Variants in ERBB4 observed in about 807,000 individuals in gnomAD.
ERBB4 encodes the protein erb-b2 receptor tyrosine kinase 4, also known as receptor tyrosine-protein kinase erbB-4.
In ERBB4, 42 loss-of-function variants were observed where a neutral mutation model predicts 158.0. That is an observed-to-expected ratio of 0.27 (90% CI 0.21 to 0.34). The LOEUF is 0.34. ERBB4 is among the 10% of genes least tolerant of loss of function. The pLI is 1.00. For missense variants in ERBB4, 1,333 were observed against 1,624.1 expected, an observed-to-expected ratio of 0.82 and a Z score of 3.08; for synonymous variants, 583 against 558.7, an observed-to-expected ratio of 1.04 and a Z score of -0.61.
chr2:211,733,993 G>C (rs2074518095), intron 5 of ERBB4, among the ~76,000 whole-genome samples: 1 of 152,032 alleles, frequency 6.6e-6, no homozygotes, highest in African/African-American at 2.4e-5. Context: ...AGCGAGCTGA[G>C]ATCATGCCAC....
In ERBB4 at chr2:212,363,400, A is replaced by G. The variant is rs560271697; in HGVS notation, c.82+175049T>C. Among the ~76,000 whole-genome samples, 9 of 151,616 alleles carry G rather than the reference A, an allele frequency of 5.9e-5. No homozygotes were observed. In the East Asian group the frequency reaches 1.7e-3, roughly 29 times the overall value. On this transcript the variant is annotated intron_variant, in intron 1 of 27. Transcript: ENST00000342788. ...GACAACAGAATCATAGCTACAGATA[A>G]TACCTAGATAGATTTATTCATTGAA...
At chr2:212,247,842 T>C (rs2084370045) in intron 1 of ERBB4, among the ~76,000 whole-genome samples, 1 of 152,096 alleles carries the variant, frequency 6.6e-6, no homozygotes, top group Admixed American at 6.6e-5. Context: ...CGGGAGCCTG[T>C]AATCCCAGCT....
At position 211,946,569 on chromosome 2, in the gene ERBB4, T is replaced by A. The variant is rs1298716945; in HGVS notation, c.421+861A>T. Among the ~76,000 whole-genome samples, 5 of 142,492 alleles carry A rather than the reference T, an allele frequency of 3.5e-5. No individual in the cohort carries two copies. The East Asian group carries it at 1.1e-3, about 32-fold the overall frequency. The allele number at this position is 142,492 out of a possible 152,430, so 93.5% of individuals were successfully genotyped here. A position where few individuals can be genotyped will look rare whatever the true frequency, so the allele number is the denominator to read the frequency against. ...AGTTAGGTACTAATTATTTACTAAT[T>A]AGCTCTCTTTTTTTTTTTTTTTTTT... On this transcript the variant is annotated intron_variant, in intron 3 of 27. Transcript: ENST00000342788.
chr2:211,731,501 T>G lies in ERBB4; in HGVS notation c.623-6307A>C, dbSNP rs761879884. Among the ~76,000 whole-genome samples, 3 of 152,234 alleles carry G rather than the reference T, an allele frequency of 2.0e-5. No individual in the cohort carries two copies. The South Asian group carries it at 6.2e-4, about 32-fold the overall frequency. On this transcript the variant is annotated intron_variant, in intron 5 of 27. Coordinates refer to ENST00000342788, the MANE Select transcript of ERBB4 (RefSeq NM_005235.3). ...GGATGTGAGGAAGAATTACTGACTA[T>G]TAGAGGGATAAAAACACTGTAATGG...
chr2:211,812,742 G>A (rs925341955), intron 3 of ERBB4, among the ~76,000 whole-genome samples: 5 of 152,208 alleles, frequency 3.3e-5, no homozygotes, highest in East Asian at 1.9e-4. Context: ...ACAAGCCTCA[G>A]CAATGGCAGA....
At chr2:212,508,178 ATT>A (rs1691298729) in intron 1 of ERBB4, among the ~76,000 whole-genome samples, 1 of 152,214 alleles carries the variant, frequency 6.6e-6, no homozygotes. Flanking sequence ...TTTGGACATA[ATT>A]GTACACTTTA....
intron 2 of ERBB4, among the ~76,000 whole-genome samples, chr2:211,974,738 G>T (rs1216295009): frequency 6.6e-6 from 1 of 152,100 alleles, no homozygotes; most frequent in African/African-American, 2.4e-5. Flanking sequence ...GTCCCACATG[G>T]GTGACAAAGT....
intron 3 of ERBB4, among the ~76,000 whole-genome samples, chr2:211,862,345 C>T (rs1302829172): frequency 6.6e-6 from 1 of 151,974 alleles, no homozygotes; most frequent in African/African-American, 2.4e-5. Flanking sequence ...TGTTTCTTAT[C>T]AGCAGAAAAT....
At chr2:212,402,863 C>T (rs1175011340) in intron 1 of ERBB4, among the ~76,000 whole-genome samples, 1 of 151,864 alleles carries the variant, frequency 6.6e-6, no homozygotes, top group African/African-American at 2.4e-5. Context: ...TGAAACACAG[C>T]TCATTAGTTT....
At chr2:212,513,975 A>AT (rs144961987) in intron 1 of ERBB4, among the ~76,000 whole-genome samples, 4,909 of 152,206 alleles carry the variant, frequency 0.032, 277 homozygotes, top group African/African-American at 0.11. Flanking sequence ...ATGCTACTTT[A>AT]TTTTTTACCC....
chr2:211,650,475 T>G (rs1365272232), intron 16 of ERBB4, among the ~76,000 whole-genome samples: 1 of 152,106 alleles, frequency 6.6e-6, no homozygotes, highest in Non-Finnish European at 1.5e-5. Flanking sequence ...CACATATAAA[T>G]ATACAGGTAT....
At chr2:211,659,112 A>T (rs1451971101) in intron 15 of ERBB4, among the ~76,000 whole-genome samples, 4 of 152,142 alleles carry the variant, frequency 2.6e-5, no homozygotes, top group Non-Finnish European at 5.9e-5. Flanking sequence ...CAGTCTATCC[A>T]TTATATATTT....
intron 20 of ERBB4, among the ~76,000 whole-genome samples, chr2:211,530,259 A>G (rs1050242269): frequency 6.6e-6 from 1 of 152,144 alleles, no homozygotes; most frequent in Non-Finnish European, 1.5e-5. Flanking sequence ...AATAGCTACA[A>G]ATGAAATAAA....
intron 20 of ERBB4, among the ~76,000 whole-genome samples, chr2:211,523,591 G>A (rs2066249782): frequency 6.6e-6 from 1 of 151,874 alleles, no homozygotes; most frequent in Non-Finnish European, 1.5e-5. Context: ...CCTTCGCAGT[G>A]AGTGTTACAG....
At chr2:212,050,743 T>A (rs1300260298) in intron 2 of ERBB4, among the ~76,000 whole-genome samples, 5 of 152,146 alleles carry the variant, frequency 3.3e-5, no homozygotes, top group African/African-American at 1.2e-4. Context: ...TGATTAAGGA[T>A]GTTGTATCAT....
chr2:212,276,937 T>G (rs1310120801), intron 1 of ERBB4, among the ~76,000 whole-genome samples: 1 of 151,778 alleles, frequency 6.6e-6, no homozygotes, highest in African/African-American at 2.4e-5. Context: ...AGGAGACAGA[T>G]GAAGAGAAAC....
chr2:211,534,824 G>A (rs1186095495), intron 20 of ERBB4, among the ~76,000 whole-genome samples: 1 of 152,032 alleles, frequency 6.6e-6, no homozygotes, highest in East Asian at 1.9e-4. Flanking sequence ...GAGAGCGAGA[G>A]CGTTGACTAA....
At chr2:211,501,424 CAT>C (rs2065612542) in intron 20 of ERBB4, among the ~76,000 whole-genome samples, 1 of 151,394 alleles carries the variant, frequency 6.6e-6, no homozygotes, top group Admixed American at 6.6e-5. Context: ...GATCATTACC[CAT>C]ATTATATGCT....
At chr2:211,517,675 A>G (rs1232419139) in intron 20 of ERBB4, among the ~76,000 whole-genome samples, 4 of 152,150 alleles carry the variant, frequency 2.6e-5, no homozygotes, top group Admixed American at 1.3e-4. Context: ...TGAAATTTGT[A>G]CAAATTACAA....
Sources: gnomAD v4.1 joint callset for allele counts (sites outside exome capture counted in the v4.1 genomes callset) on GRCh38, gnomAD v4.1.1 for gene constraint, MANE v1.5 for transcripts, NCBI Gene and HGNC (gene_info 2026-07-23, HGNC 2026-07-21) for gene names.